The following GFRA1 variants were observed in gnomAD, a reference collection of about 807,000 sequenced individuals.
The protein encoded by GFRA1 is GDNF family receptor alpha-1.
A neutral mutation model predicts 51.6 loss-of-function variants in GFRA1; 16 were observed. That is an observed-to-expected ratio of 0.31 (90% CI 0.21 to 0.47). The LOEUF is 0.47. Ranked by LOEUF, GFRA1 falls within the 20% of genes least tolerant of loss-of-function variation. The pLI, the probability that GFRA1 is intolerant of heterozygous loss-of-function variation, is 1.00. For synonymous variants in GFRA1, 270 were observed against 241.3 expected, an observed-to-expected ratio of 1.12 and a Z score of -1.10; for missense variants, 530 against 594.3, an observed-to-expected ratio of 0.89 and a Z score of 1.13.
intron 3 of GFRA1, 112 bp downstream of exon 3, chr10:116,270,710 C>G (rs1159666189): frequency 4.6e-6 from 4 of 877,546 alleles, no homozygotes; most frequent in Non-Finnish European, 7.2e-6. Flanking sequence ...AAGGTCCTCA[C>G]TCTGCAGCTG....
intron 5 of GFRA1, among the ~76,000 whole-genome samples, chr10:116,182,350 T>C (rs1962317505): frequency 6.6e-6 from 1 of 152,238 alleles, no homozygotes; most frequent in South Asian, 2.1e-4. Context: ...ATGTATTGCA[T>C]ATTTAGTTAA....
chr10:116,236,174 G>A (rs1166326363), intron 4 of GFRA1, among the ~76,000 whole-genome samples: 2 of 152,028 alleles, frequency 1.3e-5, no homozygotes, highest in Non-Finnish European at 2.9e-5. Flanking sequence ...ACAACCCCTA[G>A]TGCCCTCTGA....
intron 9 of GFRA1, among the ~76,000 whole-genome samples, chr10:116,069,236 A>C (rs1162438725): frequency 6.6e-6 from 1 of 152,204 alleles, no homozygotes; most frequent in African/African-American, 2.4e-5. Flanking sequence ...AATCAATTCG[A>C]ACTATTCTTA....
chr10:116,201,285 C>A (rs1363137624), intron 5 of GFRA1, among the ~76,000 whole-genome samples: 2 of 151,996 alleles, frequency 1.3e-5, no homozygotes, highest in South Asian at 2.1e-4. Flanking sequence ...AACTCAATAG[C>A]CAATACTATT....
intron 9 of GFRA1, among the ~76,000 whole-genome samples, chr10:116,082,465 C>CTTTTGTTTT (rs934255424): frequency 2.2e-5 from 3 of 134,006 alleles, no homozygotes; most frequent in African/African-American, 1.1e-4. Flanking sequence ...CCGCCCCTTG[C>CTTTTGTTTT]TTTTGTTTTT....
chr10:116,194,024 G>A (rs370270222), intron 5 of GFRA1, among the ~76,000 whole-genome samples: 2 of 144,900 alleles, frequency 1.4e-5, no homozygotes, highest in Admixed American at 7.0e-5. Flanking sequence ...GGGCCACAGA[G>A]GGAGACTCCG....
intron 9 of GFRA1, among the ~76,000 whole-genome samples, chr10:116,070,932 G>T (rs1955361044): frequency 6.6e-6 from 1 of 152,026 alleles, no homozygotes; most frequent in African/African-American, 2.4e-5. Flanking sequence ...CTACAAACTT[G>T]GTAACAATCA....
intron 6 of GFRA1, among the ~76,000 whole-genome samples, chr10:116,101,743 A>G (rs1367117489): frequency 6.6e-6 from 1 of 152,182 alleles, no homozygotes; most frequent in African/African-American, 2.4e-5. Context: ...CTTCCAGAAC[A>G]AATCCCATAC....
chr10:116,192,504 G>A (rs1328911592), intron 5 of GFRA1, among the ~76,000 whole-genome samples: 1 of 152,188 alleles, frequency 6.6e-6, no homozygotes, highest in Non-Finnish European at 1.5e-5. Flanking sequence ...ATGGCCTGGT[G>A]AAGGGTGAAT....
At chr10:116,221,604 T>C (rs1297133173) in intron 4 of GFRA1, among the ~76,000 whole-genome samples, 1 of 152,184 alleles carries the variant, frequency 6.6e-6, no homozygotes, top group African/African-American at 2.4e-5. Context: ...TTTGTGATTT[T>C]AGCAGAGATG....
chr10:116,092,630 A>C (rs150360782), intron 8 of GFRA1, among the ~76,000 whole-genome samples: 22 of 152,246 alleles, frequency 1.4e-4, no homozygotes, highest in African/African-American at 5.3e-4. Flanking sequence ...CGGGGTGAAC[A>C]AAGCTCTTAG....
chr10:116,172,762 T>C (rs2134235030), intron 5 of GFRA1, among the ~76,000 whole-genome samples: 1 of 152,290 alleles, frequency 6.6e-6, no homozygotes, highest in African/African-American at 2.4e-5. Context: ...TGTGGGGGCC[T>C]TATCCTCACT....
intron 4 of GFRA1, among the ~76,000 whole-genome samples, chr10:116,251,444 C>T (rs992676881): frequency 9.2e-5 from 14 of 152,140 alleles, no homozygotes; most frequent in African/African-American, 1.9e-4. Flanking sequence ...CATACACCTC[C>T]CCCACGAGAC....
chr10:116,274,186 A>C (rs1589932855), upstream of GFRA1, among the ~76,000 whole-genome samples: 12 of 119,988 alleles, frequency 1.0e-4, no homozygotes, highest in South Asian at 3.3e-4. Context: ...CGCCTGACAC[A>C]CGCTCCCCTT....
At chr10:116,215,719 C>T (rs1380843827) in intron 4 of GFRA1, among the ~76,000 whole-genome samples, 2 of 152,130 alleles carry the variant, frequency 1.3e-5, no homozygotes, top group Non-Finnish European at 2.9e-5. Context: ...GCCGCTCTAG[C>T]CACAATCAGG....
intron 5 of GFRA1, among the ~76,000 whole-genome samples, chr10:116,129,142 A>G (rs1265670118): frequency 6.6e-6 from 1 of 152,204 alleles, no homozygotes; most frequent in Non-Finnish European, 1.5e-5. Flanking sequence ...TCAGATTCTC[A>G]TTCACACAAA....
intron 5 of GFRA1, among the ~76,000 whole-genome samples, chr10:116,158,737 C>T (rs1404678387): frequency 1.3e-5 from 2 of 152,214 alleles, no homozygotes; most frequent in Non-Finnish European, 2.9e-5. Flanking sequence ...AAGAGGTACT[C>T]ACAGTGGGCA....
chr10:116,178,831 C>A (rs942853236), intron 5 of GFRA1, among the ~76,000 whole-genome samples: 1 of 152,166 alleles, frequency 6.6e-6, no homozygotes, highest in African/African-American at 2.4e-5. Context: ...TCTTTAGGGT[C>A]CTTCTCTGAT....
intron 9 of GFRA1, among the ~76,000 whole-genome samples, chr10:116,089,460 A>G (rs1373012418): frequency 6.6e-6 from 1 of 152,166 alleles, no homozygotes; most frequent in Non-Finnish European, 1.5e-5. Context: ...AACTTCAGAG[A>G]TGCATCTCCC....
Sources: allele counts gnomAD v4.1 joint callset (sites outside exome capture counted in the v4.1 genomes callset), GRCh38; gene constraint gnomAD v4.1.1; transcripts MANE v1.5; gene names NCBI Gene and HGNC (gene_info 2026-07-23, HGNC 2026-07-21).